Variants in DAB1 observed in about 807,000 individuals in gnomAD.
DAB1 encodes the protein DAB adaptor protein 1, also known as disabled homolog 1.
Under a neutral mutation model 64.6 loss-of-function variants are expected in DAB1, and 15 were observed. The observed-to-expected ratio is 0.23, with a 90% CI of 0.16 to 0.36. The LOEUF (loss-of-function observed/expected upper bound fraction) is 0.36. Ranked by LOEUF, DAB1 falls within the 10% of genes least tolerant of loss-of-function variation. DAB1 has a pLI of 1.00. For missense variants in DAB1, 596 were observed against 706.7 expected (o/e 0.84, Z 1.78); for synonymous variants, 235 against 251.9 (o/e 0.93, Z 0.64).
At chr1:57,821,639 A>C (rs1035321892), downstream of DAB1, among the ~76,000 whole-genome samples, 2 of 152,222 alleles carry the variant, frequency 1.3e-5, no homozygotes, top group African/African-American at 4.8e-5. Flanking sequence ...GTAAGAGAAT[A>C]TTTGAGGAAG....
chr1:58,544,016 C>A (rs149803710), intron 1 of DAB1, among the ~76,000 whole-genome samples: 1 of 152,248 alleles, frequency 6.6e-6, no homozygotes, highest in African/African-American at 2.4e-5. Context: ...AGGGTCCAGG[C>A]AAGTGAATAT....
At chr1:57,310,545 A>T (rs1262493345) in intron 1 of DAB1, among the ~76,000 whole-genome samples, 2 of 152,158 alleles carry the variant, frequency 1.3e-5, no homozygotes, top group Non-Finnish European at 1.5e-5. Flanking sequence ...GGAAGTAAGC[A>T]ATTGTGCCCA....
intron 4 of DAB1, among the ~76,000 whole-genome samples, chr1:58,299,960 C>A (rs1469248905): frequency 6.6e-6 from 1 of 152,156 alleles, no homozygotes; most frequent in Admixed American, 6.6e-5. Context: ...GGCTCAAGGA[C>A]AGGATAAAAG....
At chr1:58,207,860 T>A (rs1315388066) in intron 4 of DAB1, among the ~76,000 whole-genome samples, 2 of 152,174 alleles carry the variant, frequency 1.3e-5, no homozygotes, top group Non-Finnish European at 2.9e-5. Flanking sequence ...GTTGTATTAG[T>A]TTGTTCTCAC....
chr1:57,481,315 C>CCT (rs1644016414), intron 7 of DAB1, among the ~76,000 whole-genome samples: 1 of 152,016 alleles, frequency 6.6e-6, no homozygotes, highest in Admixed American at 6.5e-5. Flanking sequence ...TTCTACTAGG[C>CCT]CTCTCTCTCT....
intron 4 of DAB1, among the ~76,000 whole-genome samples, chr1:57,085,279 A>G (rs1416466855): frequency 6.6e-6 from 1 of 152,212 alleles, no homozygotes; most frequent in Admixed American, 6.5e-5. Context: ...GTGATCATCA[A>G]GCTCTGCCCA....
intron 2 of DAB1, among the ~76,000 whole-genome samples, chr1:58,520,201 C>T (rs1488502592): frequency 6.6e-6 from 1 of 152,008 alleles, no homozygotes; most frequent in Non-Finnish European, 1.5e-5. Flanking sequence ...TAGCAACGTG[C>T]AATTTACCCA....
chr1:58,528,527 T>C lies in DAB1; in HGVS notation n.33-1192A>G, dbSNP rs954820345. 1.1e-4 allele frequency among the ~76,000 whole-genome samples: 17 copies of C among 152,206 alleles called. 1 individual carries two copies. Among genetic ancestry groups the C allele is most frequent in the Admixed American group, 6.5e-5 (1 of 15,280 alleles). On this transcript the variant is annotated intron_variant and non_coding_transcript_variant, in intron 1 of 20. Coordinates refer to the DAB1 transcript ENST00000485760. ...GTCCTCCAGGGACATTTACAAATGT[T>C]TGGAAATATTTATTACTGTCATAAC...
intron 3 of DAB1, among the ~76,000 whole-genome samples, chr1:58,365,984 G>A (rs1421110536): frequency 2.0e-5 from 3 of 152,090 alleles, no homozygotes; most frequent in Non-Finnish European, 2.9e-5. Flanking sequence ...CATCACTAGT[G>A]GTAGGTACAA....
intron 3 of DAB1, among the ~76,000 whole-genome samples, chr1:58,384,989 C>A (rs1569713779): frequency 6.6e-6 from 1 of 152,206 alleles, no homozygotes; most frequent in East Asian, 1.9e-4. Context: ...ACTTCAGACA[C>A]ACCTAGGAAC....
intron 1 of DAB1, among the ~76,000 whole-genome samples, chr1:57,385,287 A>G (rs531666895): frequency 6.6e-6 from 1 of 152,228 alleles, no homozygotes; most frequent in Non-Finnish European, 1.5e-5. Flanking sequence ...ACATAAAATT[A>G]TTTCTTGAAT....
chr1:58,294,865 CGTGTGTGTGTGTGTGTGT>C (rs55922554), intron 4 of DAB1, among the ~76,000 whole-genome samples: 1 of 137,634 alleles, frequency 7.3e-6, no homozygotes, highest in African/African-American at 2.6e-5. Context: ...TGGTCCAGAA[CGTGTGTGTGTGTGTGTGT>C]GTGTGTGTGT....
chr1:57,553,436 A>AAG (rs1241743598), intron 7 of DAB1, among the ~76,000 whole-genome samples: 1,964 of 19,002 alleles, frequency 0.1, 217 homozygotes, highest in Non-Finnish European at 0.37. Context: ...GAAAGAAAGA[A>AAG]AGAAAGAGAA....
chr1:57,581,702 T>C (rs1034719284), intron 7 of DAB1, among the ~76,000 whole-genome samples: 2 of 147,518 alleles, frequency 1.4e-5, no homozygotes, highest in African/African-American at 5.0e-5. Context: ...ATATACTATA[T>C]AATAAATCTA....
intron 5 of DAB1, chr1:58,071,729 CA>C (rs1276497205): frequency 1.3e-5 from 2 of 152,116 alleles, no homozygotes; most frequent in Non-Finnish European, 1.5e-5. Context: ...CTGTATCCTT[CA>C]AAAGTAGGAA....
chr1:57,040,741 C>T (rs1359746634), intron 9 of DAB1, among the ~76,000 whole-genome samples: 2 of 152,166 alleles, frequency 1.3e-5, no homozygotes, highest in African/African-American at 4.8e-5. Context: ...CTTTTAAAAA[C>T]CTATTATTCT....
chr1:57,250,024 C>T (rs528095476), intron 2 of DAB1, among the ~76,000 whole-genome samples: 2 of 152,284 alleles, frequency 1.3e-5, no homozygotes, highest in East Asian at 3.9e-4. Flanking sequence ...ACCTTTAAAT[C>T]CCAAAGTCTG....
intron 9 of DAB1, among the ~76,000 whole-genome samples, chr1:57,030,114 G>A (rs1390907732): frequency 6.6e-6 from 1 of 152,116 alleles, no homozygotes; most frequent in African/African-American, 2.4e-5. Flanking sequence ...ATTCAATCAT[G>A]GGGGCTGGTC....
chr1:57,399,121 G>A (rs1389089095), intron 1 of DAB1, among the ~76,000 whole-genome samples: 2 of 152,042 alleles, frequency 1.3e-5, no homozygotes, highest in African/African-American at 4.8e-5. Context: ...TTCTATTGGA[G>A]GTCACCAACT....
Sources: gnomAD v4.1 joint callset for allele counts (sites outside exome capture counted in the v4.1 genomes callset) on GRCh38, gnomAD v4.1.1 for gene constraint, MANE v1.5 for transcripts, NCBI Gene and HGNC (gene_info 2026-07-23, HGNC 2026-07-21) for gene names.